SORCS2: variants seen among roughly 807,000 people sequenced by gnomAD.
The protein encoded by SORCS2 is sortilin related VPS10 domain containing receptor 2.
SORCS2 carries 100 observed loss-of-function variants against 141.6 expected under a neutral mutation model. The observed-to-expected ratio is 0.71, with a 90% CI of 0.60 to 0.83. The LOEUF (loss-of-function observed/expected upper bound fraction) is 0.83. SORCS2 is among the 40% of genes least tolerant of loss of function. The pLI, the probability that SORCS2 is intolerant of heterozygous loss-of-function variation, is 0.00. For missense variants in SORCS2, 1,646 were observed against 1,560.2 expected (o/e 1.05, Z -0.93); for synonymous variants, 789 against 676.9 (o/e 1.17, Z -2.57).
chr4:7,589,061 C>T lies in SORCS2; in HGVS notation c.649-49267C>T, dbSNP rs77621928. On this transcript the variant is annotated intron_variant, in intron 3 of 26. Transcript: ENST00000507866. The stretch of plus-strand genomic sequence containing the variant: ...AGCCTACTGGGGACACAGTGAGCTG[C>T]CGGGTGACCCTGGTGCACAGGAGGT... Among the ~76,000 whole-genome samples, 1,220 of 152,234 alleles carry T rather than the reference C, an allele frequency of 8.0e-3. 17 individuals are homozygous for T. The highest frequency in any genetic ancestry group is 0.029 in the African/African-American group (1,185 of 41,546).
Position 7,704,172 on chromosome 4 carries a change from G to T in SORCS2, c.1761-5G>T, listed in dbSNP as rs1344803665. The T allele has an allele frequency of 6.2e-7, 1 of 1,610,610 alleles. No homozygotes were observed. On this transcript the variant is annotated splice_region_variant and splice_polypyrimidine_tract_variant and intron_variant, in intron 13 of 26. Coordinates refer to ENST00000507866, the MANE Select transcript of SORCS2 (RefSeq NM_020777.3). ...CCAGAGATGCTGACGATCTTCTCCT[G>T]GCAGGTTCAGTGTGGACGAGGGCCT...
chr4:7,471,258 A>G (rs762388417), intron 2 of SORCS2, among the ~76,000 whole-genome samples: 4 of 152,156 alleles, frequency 2.6e-5, no homozygotes, highest in African/African-American at 9.7e-5. Context: ...GCGCAATGCC[A>G]TCTTCAGATT....
At chr4:7,325,960 C>T (rs1385096170) in intron 1 of SORCS2, among the ~76,000 whole-genome samples, 1 of 152,074 alleles carries the variant, frequency 6.6e-6, no homozygotes, top group Admixed American at 6.5e-5. Flanking sequence ...CCTCAATGTC[C>T]CTGAGTGGAG....
chr4:7,714,466 C>T (rs1726054590), intron 16 of SORCS2, 93 bp downstream of exon 16: 1 of 1,406,718 alleles, frequency 7.1e-7, no homozygotes, highest in Non-Finnish European at 9.5e-7. Flanking sequence ...GGGAGGAAGC[C>T]TCAGCGCCTT....
chr4:7,270,670 A>T (rs189778298), intron 1 of SORCS2, among the ~76,000 whole-genome samples: 179 of 152,388 alleles, frequency 1.2e-3, no homozygotes, highest in African/African-American at 3.9e-3. Flanking sequence ...TCCTAGATCC[A>T]TCCGTTGCCC....
intron 2 of SORCS2, among the ~76,000 whole-genome samples, chr4:7,496,418 G>C (rs947892100): frequency 1.6e-5 from 2 of 126,336 alleles, no homozygotes; most frequent in African/African-American, 5.8e-5. Context: ...TTTCTGGAAA[G>C]CTACTGGAGC....
intron 2 of SORCS2, among the ~76,000 whole-genome samples, chr4:7,429,928 G>A (rs1391327194): frequency 6.6e-6 from 1 of 152,188 alleles, no homozygotes; most frequent in Non-Finnish European, 1.5e-5. Flanking sequence ...GGGCCATGAG[G>A]GAAGCCAGCC....
chr4:7,193,468 C>A lies in SORCS2; in HGVS notation c.480+342C>A, dbSNP rs957035149. ...GGAAGCCTGCAGGTCCTTGAGGGTA[C>A]CCCAGCTCGGCGTTACCTCCCCTGC... On this transcript the variant is annotated intron_variant, in intron 1 of 26. Coordinates refer to ENST00000507866, the MANE Select transcript of SORCS2 (RefSeq NM_020777.3). This position sits in a 1 kb window ranked among gnomAD's most constrained non-coding sequence, Gnocchi z 4.8. Among the ~76,000 whole-genome samples the A allele has an allele frequency of 3.3e-5, 5 of 152,054 alleles. No individual in the cohort carries two copies. Among genetic ancestry groups the A allele is most frequent in the African/African-American group, 1.2e-4 (5 of 41,412 alleles).
chr4:7,388,256 G>A (rs1393324706), intron 1 of SORCS2, among the ~76,000 whole-genome samples: 2 of 152,168 alleles, frequency 1.3e-5, no homozygotes, highest in Admixed American at 1.3e-4. Flanking sequence ...GTGACTGGGA[G>A]GACAAACAAA....
At position 7,689,521 on chromosome 4, in the gene SORCS2, A is replaced by G; in HGVS notation, c.1524A>G (p.Ala508=). The change falls in exon 11 of 27, where the codon GCA becomes GCG. Residue 508 remains alanine, a synonymous_variant. Transcript: ENST00000507866. ...ACCTGCACCTGCACCTGCGCTGGGCAGACAACCCCTACGTATCAGGCACCG... is the reference window on the plus strand; with the variant it reads ...ACCTGCACCTGCACCTGCGCTGGGCGGACAACCCCTACGTATCAGGCACCG... ...DCHLHLHLRW[A]DNPYVSGTVH... is the part of the protein sequence containing the mutation. 6.2e-7 allele frequency: 1 copy of G among 1,606,690 alleles called. No homozygotes were observed. Among genetic ancestry groups the G allele is most frequent in the Non-Finnish European group, 8.5e-7 (1 of 1,177,206 alleles).
At chr4:7,737,633 T>G (rs1466444996) in intron 26 of SORCS2, among the ~76,000 whole-genome samples, 2 of 152,198 alleles carry the variant, frequency 1.3e-5, no homozygotes, top group Non-Finnish European at 2.9e-5. Context: ...CTTTACAGTT[T>G]ATGAAGCATT....
intron 9 of SORCS2, among the ~76,000 whole-genome samples, chr4:7,678,211 T>A (rs1723290143): frequency 6.6e-6 from 1 of 150,816 alleles, no homozygotes; most frequent in Non-Finnish European, 1.5e-5. Flanking sequence ...CAGGGAGTGC[T>A]TCCTGGAGGC....
intron 1 of SORCS2, among the ~76,000 whole-genome samples, chr4:7,232,902 C>T (rs1712000646): frequency 6.6e-6 from 1 of 152,158 alleles, no homozygotes; most frequent in Admixed American, 6.5e-5. Context: ...ACTGGGGGAC[C>T]CCCACCCTTG....
At chr4:7,206,975 G>T (rs114022344) in intron 1 of SORCS2, among the ~76,000 whole-genome samples, 1 of 152,110 alleles carries the variant, frequency 6.6e-6, no homozygotes, top group African/African-American at 2.4e-5. Context: ...GCTTTCTGAC[G>T]GAAATGACTT....
At chr4:7,619,044 C>T (rs1045696151) in intron 3 of SORCS2, among the ~76,000 whole-genome samples, 1 of 152,164 alleles carries the variant, frequency 6.6e-6, no homozygotes, top group Non-Finnish European at 1.5e-5. Flanking sequence ...GTCAGACACA[C>T]AATCTGTGAT....
chr4:7,495,606 T>G (rs946919660), intron 2 of SORCS2, among the ~76,000 whole-genome samples: 16 of 152,156 alleles, frequency 1.1e-4, no homozygotes, highest in African/African-American at 3.9e-4. Context: ...TGAGCAGTTG[T>G]CCTAGAGCTC....
In SORCS2 at chr4:7,410,949, C is replaced by CTTTTTTT. The variant is rs5855962; in HGVS notation, c.548+14613_548+14619dup. On this transcript the variant is annotated intron_variant, in intron 2 of 26. Transcript: ENST00000507866. ...GGCCCAGCAGCCTCTTCTCTCCATCCTTTTTTTTTTTTTTTTTTTTTTTTT... is the reference window on the plus strand; with the variant it reads ...GGCCCAGCAGCCTCTTCTCTCCATCCTTTTTTTTTTTTTTTTTTTTTTTTTTTTTTTT... Among the ~76,000 whole-genome samples the CTTTTTTT allele has an allele frequency of 5.4e-4, 40 of 73,840 alleles. 2 individuals carry two copies. Among genetic ancestry groups the CTTTTTTT allele is most frequent in the African/African-American group, 1.1e-3 (21 of 19,804 alleles). 48.4% of individuals were successfully genotyped at this position (73,840 alleles called of 152,430 possible).
At chr4:7,335,958 C>G (rs1560201387) in intron 1 of SORCS2, among the ~76,000 whole-genome samples, 4 of 151,794 alleles carry the variant, frequency 2.6e-5, no homozygotes. Context: ...CTCAGCTCTG[C>G]CCCCTCCTGG....
chr4:7,449,543 G>A (rs1333596811), intron 2 of SORCS2, among the ~76,000 whole-genome samples: 1 of 151,164 alleles, frequency 6.6e-6, no homozygotes, highest in Non-Finnish European at 1.5e-5. Context: ...GACACTTCCT[G>A]CCTGACAGGG....
Sources: gnomAD v4.1 joint callset for allele counts (sites outside exome capture counted in the v4.1 genomes callset) on GRCh38, gnomAD v4.1.1 for gene constraint, Gnocchi (gnomAD v3.1) non-coding constraint, MANE v1.5 for transcripts, NCBI Gene and HGNC (gene_info 2026-07-23, HGNC 2026-07-21) for gene names.